SPAG6: variants seen among roughly 807,000 people sequenced by gnomAD.
SPAG6 encodes sperm-associated antigen 6.
A neutral mutation model predicts 58.5 loss-of-function variants in SPAG6; 49 were observed. The observed-to-expected ratio is 0.84, with a 90% confidence interval of 0.67 to 1.06. The LOEUF (loss-of-function observed/expected upper bound fraction) is 1.06. Ranked by LOEUF, SPAG6 falls within the 50% of genes least tolerant of loss-of-function variation. SPAG6 has a pLI of 0.00. For synonymous variants in SPAG6, 233 were observed against 225.6 expected (o/e 1.03, Z -0.29); for missense variants, 560 against 611.3 (o/e 0.92, Z 0.89).
intron 2 of SPAG6, among the ~76,000 whole-genome samples, chr10:22,346,475 CTTCTTCTTCTTCTTCTTCTTCT>C (rs1367240998): frequency 5.3e-4 from 75 of 141,520 alleles, no homozygotes; most frequent in African/African-American, 2.1e-3. Flanking sequence ...TCTTCTTCTT[CTTCTTCTTCTTCTTCTTCTTCT>C]TTCTTCTTCT....
At chr10:22,399,601 TAGA>T (rs1316242784) in intron 8 of SPAG6, among the ~76,000 whole-genome samples, 1 of 152,246 alleles carries the variant, frequency 6.6e-6, no homozygotes, top group East Asian at 1.9e-4. Context: ...CATTTCTATC[TAGA>T]AGAATATAAT....
At chr10:22,375,986 C>T (rs751902507) in intron 4 of SPAG6, among the ~76,000 whole-genome samples, 16 of 152,106 alleles carry the variant, frequency 1.1e-4, no homozygotes, top group Non-Finnish European at 2.2e-4. Flanking sequence ...CTACAGTGTT[C>T]GCAGTATGGT....
chr10:22,401,236 C>T lies in SPAG6; in HGVS notation c.1273C>T (p.Pro425Ser), dbSNP rs762187503. Residue 425 changes from proline to serine, a missense_variant, in exon 9 of 11, where the codon CCT becomes TCT. Transcript: ENST00000376624. The part of the protein sequence containing the change: ...PALEPFLYDA[P>S]PNILKHVVGQ... ...CCTTGAACCATTTCTATATGATGCT[C>T]CTCCCAATATTCTGAAACATGTGGT... 9 of 1,602,710 alleles carry T rather than the reference C, an allele frequency of 5.6e-6. No individual in the cohort carries two copies. Among genetic ancestry groups the T allele is most frequent in the Non-Finnish European group, 7.7e-6 (9 of 1,169,974 alleles).
At chr10:22,365,279 T>C (rs1837165192) in intron 3 of SPAG6, among the ~76,000 whole-genome samples, 1 of 152,180 alleles carries the variant, frequency 6.6e-6, no homozygotes. Flanking sequence ...TTTCTATATA[T>C]GAGAGTTTTA....
In SPAG6 at chr10:22,387,824, A is replaced by G; in HGVS notation, c.680A>G (p.His227Arg). Residue 227 changes from histidine to arginine, a missense_variant and splice_region_variant, in exon 6 of 11, where the codon CAT becomes CGT. By Grantham distance (29) the His-to-Arg change is conservative. Coordinates refer to ENST00000376624, the MANE Select transcript of SPAG6 (RefSeq NM_012443.4). ...MILNPDAKLK[H>R]QILSALSQVS... ...TGTTGTTTTTTTTTTGCTTCACAGC[A>G]TCAGATCCTTTCAGCTCTCAGTCAG... is the stretch of plus-strand genomic sequence containing the variant. The G allele has an allele frequency of 6.2e-7, 1 of 1,607,030 alleles. No homozygotes were observed. Among genetic ancestry groups the G allele is most frequent in the African/African-American group, 1.3e-5 (1 of 74,346 alleles).
intron 4 of SPAG6, among the ~76,000 whole-genome samples, chr10:22,370,156 A>T (rs1392511176): frequency 2.0e-5 from 3 of 152,220 alleles, no homozygotes; most frequent in African/African-American, 7.2e-5. Flanking sequence ...CAATAATGTA[A>T]ACATAAGTTT....
chr10:22,398,689 A>G (rs577714390), intron 8 of SPAG6, among the ~76,000 whole-genome samples: 2 of 152,332 alleles, frequency 1.3e-5, no homozygotes, highest in African/African-American at 4.8e-5. Flanking sequence ...TGATCCTGAC[A>G]CTACACTGTA....
intron 8 of SPAG6, among the ~76,000 whole-genome samples, chr10:22,398,280 A>G (rs1834340034): frequency 6.6e-6 from 1 of 152,256 alleles, no homozygotes; most frequent in South Asian, 2.1e-4. Flanking sequence ...TATAAGTGTT[A>G]AGATTATAAA....
At position 22,408,641 on chromosome 10, in the gene SPAG6, C is replaced by T. The variant is rs552809796; in HGVS notation, c.1315-2390C>T. ...GGAGCCTACAGAGGCAGGCAGGCCTCCTTGAGCTGTGGTGGGCTGCACCCA... is the reference window on the plus strand; with the variant it reads ...GGAGCCTACAGAGGCAGGCAGGCCTTCTTGAGCTGTGGTGGGCTGCACCCA... On this transcript the variant is annotated intron_variant, in intron 9 of 10. Transcript: ENST00000376624. 8.7e-4 allele frequency among the ~76,000 whole-genome samples: 132 copies of T among 152,256 alleles called. 2 individuals are homozygous for T. The highest frequency in any genetic ancestry group is 3.2e-3 in the African/African-American group (131 of 41,558).
chr10:22,416,616 C>T lies in SPAG6; in HGVS notation c.1461-3C>T. On this transcript the variant is annotated splice_polypyrimidine_tract_variant and splice_region_variant and intron_variant, in intron 10 of 10. Transcript: ENST00000376624. The stretch of plus-strand genomic sequence containing the variant: ...GCATTTAATAGTGTATTTTCTTTTT[C>T]AGGTATTATTCCCCTGGATATTCAG... The T allele has an allele frequency of 6.3e-7, 1 of 1,591,446 alleles. No homozygotes were observed. Among genetic ancestry groups the T allele is most frequent in the Non-Finnish European group, 8.6e-7 (1 of 1,160,136 alleles).
intron 10 of SPAG6, chr10:22,412,517 C>G (rs774664495): frequency 2.7e-5 from 40 of 1,486,436 alleles, no homozygotes; most frequent in Admixed American, 1.8e-4. Flanking sequence ...CAAAAGAGTT[C>G]CAATAGGTAA....
Position 22,345,804 on chromosome 10 carries a change from C to T in SPAG6, c.107C>T (p.Thr36Met). Residue 36 changes from threonine to methionine, a missense_variant, in exon 2 of 11, where the codon ACG becomes ATG. Coordinates refer to ENST00000376624, the MANE Select transcript of SPAG6 (RefSeq NM_012443.4). This position sits in a 1 kb window ranked among gnomAD's most constrained non-coding sequence, Gnocchi z 6.3. ...GCGACTAGACCCCAAAACATCGAGA[C>T]GCTGCAGAACGCGGGTGAGCCCGGA... ...ELATRPQNIE[T>M]LQNAGVMSLL... The T allele has an allele frequency of 6.2e-7, 1 of 1,613,350 alleles. No homozygotes were observed.
intron 7 of SPAG6, among the ~76,000 whole-genome samples, chr10:22,391,336 A>T (rs915562910): frequency 1.3e-5 from 2 of 152,244 alleles, no homozygotes; most frequent in Admixed American, 1.3e-4. Flanking sequence ...TGGTGAAAAG[A>T]CAATTTCTTT....
intron 4 of SPAG6, among the ~76,000 whole-genome samples, chr10:22,380,769 T>C (rs956204357): frequency 4.6e-5 from 7 of 152,152 alleles, no homozygotes; most frequent in African/African-American, 1.7e-4. Flanking sequence ...TATTTTTTAA[T>C]GAAACAAAAT....
Position 22,345,596 on chromosome 10 carries a change from C to G in SPAG6, c.-16C>G. The G allele has an allele frequency of 6.5e-7, 1 of 1,528,418 alleles. No individual in the cohort carries two copies. The allele number at this position is 1,528,418 out of a possible 1,614,324, so 94.7% of individuals were successfully genotyped here. ...CCCCGCAGAGCTCGAGGAGGGCAGACGGCGGCGGGGGCGCCATGAGTCAGA... is the reference window on the plus strand; with the variant it reads ...CCCCGCAGAGCTCGAGGAGGGCAGAGGGCGGCGGGGGCGCCATGAGTCAGA... On this transcript the variant is annotated 5_prime_UTR_variant, in exon 1 of 11. Transcript: ENST00000376624. The surrounding 1 kb of genome is among the most constrained non-coding windows in gnomAD (Gnocchi z 6.3).
chr10:22,372,552 C>T (rs1193730186), intron 4 of SPAG6, among the ~76,000 whole-genome samples: 4 of 152,140 alleles, frequency 2.6e-5, no homozygotes, highest in Non-Finnish European at 4.4e-5. Flanking sequence ...CCAGCAGCCT[C>T]CCTCAGGCCT....
intron 9 of SPAG6, among the ~76,000 whole-genome samples, chr10:22,406,251 T>A (rs917030813): frequency 8.5e-5 from 13 of 152,196 alleles, no homozygotes; most frequent in Non-Finnish European, 1.6e-4. Context: ...TTTGGATCTT[T>A]CCTGCTTTCT....
At chr10:22,355,257 A>G (rs1356235079) in intron 2 of SPAG6, among the ~76,000 whole-genome samples, 2 of 152,184 alleles carry the variant, frequency 1.3e-5, no homozygotes, top group South Asian at 2.1e-4. Context: ...ATTGGATTGT[A>G]ATGAGGGTTA....
intron 8 of SPAG6, among the ~76,000 whole-genome samples, chr10:22,393,091 T>C (rs1834218333): frequency 6.6e-6 from 1 of 152,162 alleles, no homozygotes; most frequent in Non-Finnish European, 1.5e-5. Flanking sequence ...TCTTTAACTT[T>C]CTGGTGAGAA....
Sources: gnomAD v4.1 joint callset for allele counts (sites outside exome capture counted in the v4.1 genomes callset) on GRCh38, gnomAD v4.1.1 for gene constraint, Gnocchi (gnomAD v3.1) non-coding constraint, MANE v1.5 for transcripts, NCBI Gene and HGNC (gene_info 2026-07-23, HGNC 2026-07-21) for gene names.